The following SLC12A9 variants were observed in gnomAD, a reference collection of about 807,000 sequenced individuals.
The protein encoded by SLC12A9 is CCC-interacting protein 1.
SLC12A9 carries 55 observed loss-of-function variants against 66.0 expected under a neutral mutation model. That is an observed-to-expected ratio of 0.83 (90% CI 0.67 to 1.04). SLC12A9 has a LOEUF of 1.04. Ranked by LOEUF, SLC12A9 falls within the 50% of genes least tolerant of loss-of-function variation. The pLI is 0.00. For missense variants in SLC12A9, 1,061 were observed against 1,241.9 expected (o/e 0.85, Z 2.19); for synonymous variants, 577 against 569.0 (o/e 1.01, Z -0.20).
In SLC12A9 at chr7:100,859,720, A is replaced by G. The variant is rs752424296; in HGVS notation, c.978-165A>G. 3 of 835,466 alleles carry G rather than the reference A, an allele frequency of 3.6e-6. No individual in the cohort carries two copies. In the African/African-American group the frequency reaches 5.1e-5, roughly 14 times the overall value. The allele number at this position is 835,466 out of a possible 1,614,324, so 51.8% of individuals were successfully genotyped here. ...AGTGAGACCTTGTCTCTTAAAAAAA[A>G]GGAAGGAATGACCACTGAGTGATTA... On this transcript the variant is annotated intron_variant, in intron 7 of 13. Transcript: ENST00000354161.
At chr7:100,828,798 T>G (rs2116482785) in intron 1 of SLC12A9, among the ~76,000 whole-genome samples, 1 of 152,110 alleles carries the variant, frequency 6.6e-6, no homozygotes, top group Non-Finnish European at 1.5e-5. Context: ...CCAACTCCCC[T>G]CACCCTCCCA....
rs899147046 is a variant in SLC12A9 at position 100,839,838 on chromosome 7, C to T, written n.228+12791C>T. ...CGGGCGGATGACGAGGTCAGGAGAT[C>T]GAGACCATCCTGGCTAACACGGTGA... On this transcript the variant is annotated intron_variant and non_coding_transcript_variant, in intron 1 of 1. Transcript: ENST00000461016. Among the ~76,000 whole-genome samples the T allele has an allele frequency of 1.8e-4, 28 of 151,886 alleles. No individual in the cohort carries two copies. In the South Asian group the frequency reaches 2.1e-3, roughly 11 times the overall value.
At chr7:100,829,661 T>C (rs1235108087) in intron 1 of SLC12A9, among the ~76,000 whole-genome samples, 1 of 152,074 alleles carries the variant, frequency 6.6e-6, no homozygotes, top group African/African-American at 2.4e-5. Flanking sequence ...CGGGGTTCTC[T>C]GCAACCCTCT....
At chr7:100,841,315 A>T (rs188560912) in intron 1 of SLC12A9, among the ~76,000 whole-genome samples, 48 of 147,374 alleles carry the variant, frequency 3.3e-4, no homozygotes, top group Admixed American at 7.5e-4. Flanking sequence ...AAAACTATTT[A>T]AAAAAAAAAA....
At chr7:100,862,444 C>T (rs1814815786) in intron 12 of SLC12A9, among the ~76,000 whole-genome samples, 1 of 152,154 alleles carries the variant, frequency 6.6e-6, no homozygotes, top group South Asian at 2.1e-4. Context: ...GATGAGGTCT[C>T]TTTATGTTTC....
intron 1 of SLC12A9, among the ~76,000 whole-genome samples, chr7:100,853,718 C>T (rs111675127): frequency 2.0e-5 from 3 of 150,454 alleles, no homozygotes; most frequent in Non-Finnish European, 4.4e-5. Context: ...TGCACCTTCA[C>T]GCTTGGCTAA....
intron 1 of SLC12A9, chr7:100,827,154 C>T (rs2571606): frequency 3.8e-6 from 4 of 1,057,700 alleles, no homozygotes; most frequent in Non-Finnish European, 3.9e-6. Context: ...GGGCCCTCAG[C>T]GCGGGCCCAT....
At chr7:100,854,578 G>T in intron 2 of SLC12A9, 42 bp from the exon 3 acceptor site, 1 of 1,612,448 alleles carries the variant, frequency 6.2e-7, no homozygotes, top group Non-Finnish European at 8.5e-7. Context: ...GGGGATATGG[G>T]GTGTGAGTCC....
At chr7:100,849,074 G>A (rs139826129), upstream of SLC12A9, among the ~76,000 whole-genome samples, 598 of 150,940 alleles carry the variant, frequency 4.0e-3, 4 homozygotes, top group African/African-American at 0.014. Context: ...TTACAGGCGT[G>A]TACCACCAGG....
chr7:100,838,895 G>A (rs923477263), intron 1 of SLC12A9, among the ~76,000 whole-genome samples: 19 of 152,066 alleles, frequency 1.2e-4, no homozygotes, highest in Admixed American at 5.2e-4. Context: ...GTATAGAAAG[G>A]CACTGTGAAA....
At chr7:100,853,006 C>G (rs927444882) in intron 1 of SLC12A9, among the ~76,000 whole-genome samples, 171 bp downstream of exon 1, 2 of 130,906 alleles carry the variant, frequency 1.5e-5, no homozygotes, top group African/African-American at 5.8e-5. Flanking sequence ...GTCTGTGTTT[C>G]TGTTTCGCTA....
chr7:100,835,073 T>G (rs1813622700), intron 1 of SLC12A9, among the ~76,000 whole-genome samples: 2 of 151,670 alleles, frequency 1.3e-5, no homozygotes. Context: ...AGAGTGTGAT[T>G]GGCCGGGTGC....
chr7:100,827,376 G>A (rs1308490417), intron 1 of SLC12A9: 2 of 150,846 alleles, frequency 1.3e-5, no homozygotes, highest in Non-Finnish European at 3.0e-5. Flanking sequence ...CCCCTCCCTG[G>A]AGTGGCTCTG....
At chr7:100,855,463 T>A (rs1254081691) in intron 3 of SLC12A9, 2 of 455,476 alleles carry the variant, frequency 4.4e-6, no homozygotes, top group Non-Finnish European at 8.0e-6. Context: ...GGCAGGCTGG[T>A]ATAGTGAAGG....
chr7:100,834,791 CGAGCCCA>C (rs1584676242), intron 1 of SLC12A9, among the ~76,000 whole-genome samples: 2 of 152,126 alleles, frequency 1.3e-5, no homozygotes, highest in East Asian at 3.9e-4. Flanking sequence ...GAGGATCACC[CGAGCCCA>C]GGAGGCAGAG....
In SLC12A9 at chr7:100,863,044, GGGTTTTTTT is replaced by G. The variant is rs531878023; in HGVS notation, c.1858+218_1858+226del. Among the ~76,000 whole-genome samples the G allele has an allele frequency of 7.4e-3, 1,129 of 151,818 alleles. 15 individuals are homozygous for G. The highest frequency in any genetic ancestry group is 0.026 in the African/African-American group (1,084 of 41,360). ...CTAGTGATGGGGTGGGCGATGTTGT[GGGTTTTTTT>G]TCCTTCTTCTTTTTTTTTTTTTTTT... On this transcript the variant is annotated intron_variant, in intron 13 of 13. Transcript: ENST00000354161.
intron 13 of SLC12A9, 99 bp from the exon 14 acceptor site, chr7:100,865,620 T>C (rs1440892736): frequency 3.2e-6 from 5 of 1,557,064 alleles, no homozygotes; most frequent in Admixed American, 3.6e-5. Flanking sequence ...GTCATACCTA[T>C]GGCTGACGCA....
chr7:100,844,458 C>T (rs1401489295), intron 1 of SLC12A9, among the ~76,000 whole-genome samples: 5 of 152,052 alleles, frequency 3.3e-5, no homozygotes, highest in Non-Finnish European at 7.4e-5. Flanking sequence ...AATTTGATGC[C>T]TGTGCTATCA....
intron 1 of SLC12A9, among the ~76,000 whole-genome samples, chr7:100,833,374 C>T (rs1813580884): frequency 6.6e-6 from 1 of 151,962 alleles, no homozygotes; most frequent in Non-Finnish European, 1.5e-5. Flanking sequence ...GAGGCTGAGG[C>T]ACGAGAATTG....
Sources: allele counts gnomAD v4.1 joint callset (sites outside exome capture counted in the v4.1 genomes callset), GRCh38; gene constraint gnomAD v4.1.1; transcripts MANE v1.5; gene names NCBI Gene and HGNC (gene_info 2026-07-23, HGNC 2026-07-21).